Variants in KCNQ5 observed in about 807,000 individuals in gnomAD.
KCNQ5 encodes the protein potassium voltage-gated channel subfamily Q member 5.
KCNQ5 carries 30 observed loss-of-function variants against 98.2 expected under a neutral mutation model. That is an observed-to-expected ratio of 0.31 (90% CI 0.23 to 0.41). The LOEUF is 0.41. Ranked by LOEUF, KCNQ5 falls within the 10% of genes least tolerant of loss-of-function variation. The pLI is 1.00. For synonymous variants in KCNQ5, 458 were observed against 449.4 expected (o/e 1.02, Z -0.24); for missense variants, 835 against 1,182.5 (o/e 0.71, Z 4.31).
At chr6:72,651,780 T>C (rs1426932898) in intron 1 of KCNQ5, among the ~76,000 whole-genome samples, 1 of 151,852 alleles carries the variant, frequency 6.6e-6, no homozygotes, top group Non-Finnish European at 1.5e-5. Flanking sequence ...TGGAGGAAAA[T>C]AGAATAACTC....
In KCNQ5 at chr6:73,178,266, T is replaced by C. The variant is rs201906156; in HGVS notation, c.1577+8412T>C. On this transcript the variant is annotated intron_variant, in intron 11 of 13. Coordinates refer to ENST00000370398, the MANE Select transcript of KCNQ5 (RefSeq NM_019842.4). ...GTTCTTGCTTGGGTTTTACTACTCT[T>C]ATACCCTTAAAAGAAAATCCAACAA... Among the ~76,000 whole-genome samples, 4 of 63,798 alleles carry C rather than the reference T, an allele frequency of 6.3e-5. No homozygotes were observed. In the Admixed American group the frequency reaches 6.7e-4, roughly 11 times the overall value. The allele number at this position is 63,798 out of a possible 152,430, so 41.9% of individuals were successfully genotyped here. A position where few individuals can be genotyped will look rare whatever the true frequency, so the allele number is the denominator to read the frequency against.
chr6:73,111,253 A>G (rs1236406292), intron 6 of KCNQ5, 55 bp from the exon 7 acceptor site: 2 of 1,184,368 alleles, frequency 1.7e-6, no homozygotes, highest in Non-Finnish European at 2.5e-6. Context: ...TAATATTTGT[A>G]TTATTTAACA....
chr6:72,637,828 T>G (rs2098925063), intron 1 of KCNQ5, among the ~76,000 whole-genome samples: 2 of 152,218 alleles, frequency 1.3e-5, no homozygotes, highest in Non-Finnish European at 2.9e-5. Context: ...GAGCACCTAC[T>G]CTTATTCATC....
At chr6:73,106,272 A>T (rs563642099) in intron 6 of KCNQ5, among the ~76,000 whole-genome samples, 327 of 152,216 alleles carry the variant, frequency 2.1e-3, no homozygotes, top group South Asian at 4.6e-3. Flanking sequence ...GATTCACCAG[A>T]TCGTTCTGCC....
intron 1 of KCNQ5, among the ~76,000 whole-genome samples, chr6:72,930,610 G>C (rs574075625): frequency 7.6e-5 from 11 of 144,520 alleles, no homozygotes; most frequent in African/African-American, 2.3e-4. Context: ...CCGCTCAAAT[G>C]GTCCTTGAAA....
chr6:72,876,453 T>G (rs1316268714), intron 1 of KCNQ5, among the ~76,000 whole-genome samples: 1 of 152,152 alleles, frequency 6.6e-6, no homozygotes, highest in Admixed American at 6.5e-5. Flanking sequence ...TCCTAAGCAC[T>G]CAAACACTGC....
At chr6:72,869,916 T>C (rs771095982) in intron 1 of KCNQ5, among the ~76,000 whole-genome samples, 1 of 152,212 alleles carries the variant, frequency 6.6e-6, no homozygotes, top group Non-Finnish European at 1.5e-5. Context: ...AAGAACTTGG[T>C]ATTTAAAGAA....
intron 1 of KCNQ5, among the ~76,000 whole-genome samples, chr6:72,751,787 G>A (rs75406165): frequency 0.027 from 4,053 of 152,078 alleles, 170 homozygotes; most frequent in African/African-American, 0.089. Flanking sequence ...ACTGTAAGGC[G>A]CATTACCTAC....
intron 1 of KCNQ5, among the ~76,000 whole-genome samples, chr6:72,649,477 T>C (rs1038716331): frequency 1.3e-5 from 2 of 152,106 alleles, no homozygotes; most frequent in Admixed American, 6.6e-5. Flanking sequence ...CACACAGGAC[T>C]CTGAAAATGG....
chr6:73,047,777 T>C (rs954914263), intron 3 of KCNQ5, among the ~76,000 whole-genome samples: 8 of 152,172 alleles, frequency 5.3e-5, no homozygotes, highest in African/African-American at 1.9e-4. Flanking sequence ...TAAAACACGG[T>C]CCCTGCCTGT....
chr6:72,922,794 C>CTTTTTT (rs759958637), intron 1 of KCNQ5, among the ~76,000 whole-genome samples: 2 of 113,904 alleles, frequency 1.8e-5, no homozygotes, highest in Admixed American at 1.0e-4. Flanking sequence ...ACCTTTCTTT[C>CTTTTTT]TTTCTTTTTC....
chr6:73,136,809 T>G (rs538691250), intron 10 of KCNQ5: 61 of 152,286 alleles, frequency 4.0e-4, no homozygotes, highest in African/African-American at 1.2e-3. Context: ...TTATAGTACC[T>G]CTTTAGGTTT....
At chr6:72,841,209 T>C (rs1313374397) in intron 1 of KCNQ5, among the ~76,000 whole-genome samples, 1 of 152,204 alleles carries the variant, frequency 6.6e-6, no homozygotes, top group Non-Finnish European at 1.5e-5. Flanking sequence ...AAAACTATCA[T>C]AATTTCTATT....
At chr6:72,777,436 G>T (rs1349388857) in intron 1 of KCNQ5, among the ~76,000 whole-genome samples, 2 of 152,106 alleles carry the variant, frequency 1.3e-5, no homozygotes, top group Non-Finnish European at 2.9e-5. Flanking sequence ...GTGGTTGAAG[G>T]TGTTGGCCGA....
intron 1 of KCNQ5, among the ~76,000 whole-genome samples, chr6:72,924,626 C>T (rs1327947642): frequency 6.6e-6 from 1 of 152,044 alleles, no homozygotes; most frequent in African/African-American, 2.4e-5. Context: ...AGACCCTTGC[C>T]TTCCCTTCCC....
At chr6:73,147,384 G>A (rs1379966618) in intron 10 of KCNQ5, among the ~76,000 whole-genome samples, 1 of 151,982 alleles carries the variant, frequency 6.6e-6, no homozygotes, top group Admixed American at 6.6e-5. Flanking sequence ...CCTTCTTCCA[G>A]TACTTGATGG....
chr6:73,167,639 C>A (rs1355786362), intron 10 of KCNQ5, among the ~76,000 whole-genome samples: 1 of 152,184 alleles, frequency 6.6e-6, no homozygotes, highest in Non-Finnish European at 1.5e-5. Context: ...TTTCAATGAG[C>A]AGTTGCTATT....
At chr6:72,669,884 G>GTTCTCTTC (rs1320180479) in intron 1 of KCNQ5, among the ~76,000 whole-genome samples, 1 of 145,376 alleles carries the variant, frequency 6.9e-6, no homozygotes, top group Admixed American at 6.8e-5. Context: ...GTTGCTTAGT[G>GTTCTCTTC]TTCTCTTCAA....
At chr6:73,115,169 A>T (rs1018845346) in intron 7 of KCNQ5, among the ~76,000 whole-genome samples, 1 of 152,160 alleles carries the variant, frequency 6.6e-6, no homozygotes, top group Non-Finnish European at 1.5e-5. Context: ...CAGAAAAAAA[A>T]ATCTTAGATG....
Sources: gnomAD v4.1 joint callset for allele counts (sites outside exome capture counted in the v4.1 genomes callset) on GRCh38, gnomAD v4.1.1 for gene constraint, MANE v1.5 for transcripts, NCBI Gene and HGNC (gene_info 2026-07-23, HGNC 2026-07-21) for gene names.